Variants in DIAPH3 observed in about 807,000 individuals in gnomAD.
DIAPH3 encodes protein diaphanous homolog 3.
DIAPH3 carries 117 observed loss-of-function variants against 144.3 expected under a neutral mutation model. That is an observed-to-expected ratio of 0.81 (90% CI 0.70 to 0.95). DIAPH3 has a LOEUF of 0.95. Among genes scored for constraint, DIAPH3 ranks in the 40% least tolerant of loss-of-function variants. DIAPH3 has a pLI of 0.00. For missense variants in DIAPH3, 1,421 were observed against 1,412.7 expected (o/e 1.01, Z -0.09); for synonymous variants, 519 against 488.9 (o/e 1.06, Z -0.81).
chr13:59,818,882 C>T (rs2040918373), intron 24 of DIAPH3, among the ~76,000 whole-genome samples: 1 of 151,846 alleles, frequency 6.6e-6, no homozygotes, highest in Middle Eastern at 3.4e-3. Context: ...ATTCTATTTG[C>T]TTTTTTCAAA....
chr13:59,932,476 C>T (rs2048066742), intron 17 of DIAPH3, among the ~76,000 whole-genome samples: 2 of 151,968 alleles, frequency 1.3e-5, no homozygotes, highest in Non-Finnish European at 2.9e-5. Flanking sequence ...AGAATGATGA[C>T]CACCTGACTT....
intron 20 of DIAPH3, among the ~76,000 whole-genome samples, chr13:59,901,107 T>A (rs1440146882): frequency 6.6e-6 from 1 of 152,232 alleles, no homozygotes; most frequent in East Asian, 1.9e-4. Context: ...TGGCTTTAAT[T>A]ATATTCCTCA....
At chr13:59,943,743 A>G (rs956475801) in intron 17 of DIAPH3, among the ~76,000 whole-genome samples, 3 of 152,206 alleles carry the variant, frequency 2.0e-5, no homozygotes, top group African/African-American at 7.2e-5. Flanking sequence ...GAAAAGCATT[A>G]CAGAGTTCAA....
intron 20 of DIAPH3, among the ~76,000 whole-genome samples, chr13:59,882,828 G>T (rs553552681): frequency 8.5e-5 from 13 of 152,184 alleles, no homozygotes; most frequent in African/African-American, 3.1e-4. Flanking sequence ...ACAATAATGA[G>T]ATGTAATCTG....
chr13:60,078,440 G>A (rs2057447042), intron 4 of DIAPH3, among the ~76,000 whole-genome samples: 1 of 152,114 alleles, frequency 6.6e-6, no homozygotes, highest in African/African-American at 2.4e-5. Flanking sequence ...GAACTTTGGA[G>A]AAGTATAATG....
chr13:60,150,620 A>G (rs1415845822), intron 1 of DIAPH3, among the ~76,000 whole-genome samples: 1 of 152,164 alleles, frequency 6.6e-6, no homozygotes, highest in Non-Finnish European at 1.5e-5. Context: ...GGTTATTGTG[A>G]TGATGATTGT....
At chr13:60,130,686 A>T (rs1392926738) in intron 2 of DIAPH3, among the ~76,000 whole-genome samples, 1 of 152,234 alleles carries the variant, frequency 6.6e-6, no homozygotes, top group Non-Finnish European at 1.5e-5. Flanking sequence ...GCCAGAAAGC[A>T]TGCTAGGTAC....
intron 20 of DIAPH3, among the ~76,000 whole-genome samples, chr13:59,891,587 G>T (rs556892087): frequency 3.2e-4 from 49 of 151,968 alleles, no homozygotes; most frequent in Non-Finnish European, 6.9e-4. Flanking sequence ...TTTGAAAAAC[G>T]TACTTTGAAT....
chr13:59,790,488 T>C (rs1318382111), intron 25 of DIAPH3, among the ~76,000 whole-genome samples: 1 of 152,218 alleles, frequency 6.6e-6, no homozygotes, highest in Non-Finnish European at 1.5e-5. Flanking sequence ...GTGTTCAAAG[T>C]ACTATAAGTA....
chr13:59,842,328 G>A (rs911820887), intron 22 of DIAPH3, among the ~76,000 whole-genome samples: 1 of 152,062 alleles, frequency 6.6e-6, no homozygotes, highest in African/African-American at 2.4e-5. Flanking sequence ...TGTCAAATTA[G>A]CAAAAGATCT....
At chr13:60,061,345 T>C (rs1224742462) in intron 4 of DIAPH3, among the ~76,000 whole-genome samples, 2 of 151,850 alleles carry the variant, frequency 1.3e-5, no homozygotes, top group Non-Finnish European at 2.9e-5. Flanking sequence ...CCTTAACCCA[T>C]GGACAATAGG....
chr13:60,091,169 T>A (rs1003365031), intron 4 of DIAPH3, among the ~76,000 whole-genome samples: 6 of 152,226 alleles, frequency 3.9e-5, no homozygotes, highest in African/African-American at 9.6e-5. Flanking sequence ...CTTCACTGAC[T>A]ACACAAAACA....
At chr13:59,764,625 T>G (rs1416192670) in intron 27 of DIAPH3, among the ~76,000 whole-genome samples, 1 of 148,948 alleles carries the variant, frequency 6.7e-6, no homozygotes, top group African/African-American at 2.5e-5. Flanking sequence ...ATGACTGATG[T>G]CCCTATAAGG....
chr13:60,108,224 C>T (rs2058471581), intron 3 of DIAPH3, among the ~76,000 whole-genome samples: 1 of 152,126 alleles, frequency 6.6e-6, no homozygotes, highest in African/African-American at 2.4e-5. Context: ...ACAATAGACT[C>T]ATAAGCAGTT....
chr13:59,991,976 T>C (rs996184069), intron 11 of DIAPH3, 92 bp downstream of exon 11: 8 of 982,210 alleles, frequency 8.1e-6, no homozygotes, highest in African/African-American at 4.8e-5. Context: ...ATGTTGTTTA[T>C]ATAGAAATGA....
chr13:60,095,714 A>G (rs895551833), intron 3 of DIAPH3, among the ~76,000 whole-genome samples: 2 of 152,164 alleles, frequency 1.3e-5, no homozygotes, highest in Non-Finnish European at 2.9e-5. Context: ...TATTCCAGAA[A>G]TAGATGTAAA....
At chr13:59,871,546 G>A (rs2044280333) in intron 21 of DIAPH3, among the ~76,000 whole-genome samples, 1 of 152,134 alleles carries the variant, frequency 6.6e-6, no homozygotes, top group African/African-American at 2.4e-5. Context: ...ATCTATTGGT[G>A]AGTTTTCTTC....
At chr13:60,072,459 TA>T (rs1315613269) in intron 4 of DIAPH3, among the ~76,000 whole-genome samples, 4 of 152,204 alleles carry the variant, frequency 2.6e-5, no homozygotes, top group Non-Finnish European at 5.9e-5. Context: ...TAGCAGGCCA[TA>T]ACTAATTTTA....
chr13:59,797,240 CT>C (rs1232893613), intron 25 of DIAPH3, among the ~76,000 whole-genome samples: 1 of 152,074 alleles, frequency 6.6e-6, no homozygotes, highest in Non-Finnish European at 1.5e-5. Flanking sequence ...GTTTATTTAT[CT>C]TAAATGTTGT....
Sources: allele counts gnomAD v4.1 joint callset (sites outside exome capture counted in the v4.1 genomes callset), GRCh38; gene constraint gnomAD v4.1.1; transcripts MANE v1.5; gene names NCBI Gene and HGNC (gene_info 2026-07-23, HGNC 2026-07-21).